The following M1AP variants were observed in gnomAD, a reference collection of about 807,000 sequenced individuals.
M1AP encodes the protein meiosis 1 associated protein.
Under a neutral mutation model 51.2 loss-of-function variants are expected in M1AP, and 39 were observed. The ratio of observed to expected loss-of-function variants is 0.76; its 90% CI spans 0.59 to 1.00. The LOEUF (loss-of-function observed/expected upper bound fraction) is 1.00. Ranked by LOEUF, M1AP falls within the 50% of genes least tolerant of loss-of-function variation. The pLI is 0.00. For missense variants in M1AP, 545 were observed against 641.2 expected (o/e 0.85, Z 1.62); for synonymous variants, 251 against 249.2 (o/e 1.01, Z -0.07).
chr2:74,565,303 G>A (rs1678304430), intron 7 of M1AP, among the ~76,000 whole-genome samples: 1 of 151,864 alleles, frequency 6.6e-6, no homozygotes, highest in Admixed American at 6.6e-5. Flanking sequence ...CCAGAACAAT[G>A]ACATCATGAG....
intron 2 of M1AP, among the ~76,000 whole-genome samples, chr2:74,634,790 A>G (rs1048877003): frequency 6.6e-6 from 1 of 152,166 alleles, no homozygotes; most frequent in Admixed American, 6.5e-5. Flanking sequence ...ATGGTATACT[A>G]CTTTGATTGA....
intron 4 of M1AP, among the ~76,000 whole-genome samples, chr2:74,588,042 A>G (rs1558662647): frequency 6.6e-6 from 1 of 152,204 alleles, no homozygotes; most frequent in Non-Finnish European, 1.5e-5. Flanking sequence ...CACATAAAAT[A>G]TAGAGGCCCA....
At chr2:74,581,903 A>G (rs1679430973) in intron 4 of M1AP, 56 bp from the exon 5 acceptor site, 5 of 1,521,210 alleles carry the variant, frequency 3.3e-6, no homozygotes, top group Middle Eastern at 1.7e-4. Context: ...TGAGTAATAT[A>G]AAATTTTGAA....
intron 2 of M1AP, among the ~76,000 whole-genome samples, chr2:74,627,134 A>G (rs1325286708): frequency 6.6e-6 from 1 of 152,122 alleles, no homozygotes; most frequent in Non-Finnish European, 1.5e-5. Context: ...CAATTTTTTA[A>G]TTGGCAAAAG....
intron 2 of M1AP, among the ~76,000 whole-genome samples, chr2:74,627,945 G>A (rs1449732889): frequency 6.6e-6 from 1 of 152,076 alleles, no homozygotes; most frequent in African/African-American, 2.4e-5. Flanking sequence ...ATAGAGCTTT[G>A]AGATAAACTA....
intron 2 of M1AP, among the ~76,000 whole-genome samples, chr2:74,622,651 A>G (rs1286258835): frequency 6.6e-6 from 1 of 151,162 alleles, no homozygotes; most frequent in African/African-American, 2.4e-5. Context: ...TTTAAAGGAT[A>G]TAATTCAAGG....
At chr2:74,593,760 C>T (rs926858275) in intron 4 of M1AP, among the ~76,000 whole-genome samples, 9 of 152,220 alleles carry the variant, frequency 5.9e-5, no homozygotes, top group African/African-American at 1.9e-4. Flanking sequence ...GGAGTTGAAA[C>T]TTGGAGTAAC....
chr2:74,645,316 C>T (rs1558705450), intron 1 of M1AP, among the ~76,000 whole-genome samples: 1 of 152,230 alleles, frequency 6.6e-6, no homozygotes, highest in Non-Finnish European at 1.5e-5. Flanking sequence ...AGAACTGTAA[C>T]ACCGCCAGGG....
intron 3 of M1AP, among the ~76,000 whole-genome samples, chr2:74,613,881 T>C (rs944333364): frequency 1.3e-5 from 2 of 152,192 alleles, no homozygotes; most frequent in African/African-American, 4.8e-5. Flanking sequence ...TTTGAACTCT[T>C]GGGCTCAAGC....
intron 4 of M1AP, among the ~76,000 whole-genome samples, chr2:74,593,705 C>A (rs544366316): frequency 6.6e-6 from 1 of 152,246 alleles, no homozygotes; most frequent in African/African-American, 2.4e-5. Context: ...AAATCAACTA[C>A]CTGAAGGCTC....
At position 74,561,878 on chromosome 2, in the gene M1AP, C is replaced by T. The variant is rs1012479397; in HGVS notation, c.1281+339G>A. On this transcript the variant is annotated intron_variant, in intron 8 of 10. Coordinates refer to ENST00000421985, the MANE Select transcript of M1AP (RefSeq NM_001321739.2). ...GCTCCCTTTTCTCCTTCACAGCCAC[C>T]CATTCCTCAGATTTCAGGTCCGTGT... 1.2e-5 allele frequency: 12 copies of T among 985,254 alleles called. No homozygotes were observed. In the South Asian group the frequency reaches 5.2e-4, roughly 42 times the overall value. The allele number at this position is 985,254 out of a possible 1,614,324, so 61.0% of individuals were successfully genotyped here.
chr2:74,582,156 A>T (rs1339544941), intron 4 of M1AP, among the ~76,000 whole-genome samples: 1 of 152,162 alleles, frequency 6.6e-6, no homozygotes, highest in Non-Finnish European at 1.5e-5. Context: ...GCTGGTCTCT[A>T]ACTCTTGGCC....
intron 2 of M1AP, chr2:74,628,698 A>G: frequency 1.5e-6 from 1 of 678,176 alleles, no homozygotes. Flanking sequence ...TCTACCTGTG[A>G]TATTCTTTGC....
At chr2:74,629,804 C>T (rs182411298) in intron 2 of M1AP, among the ~76,000 whole-genome samples, 6 of 151,938 alleles carry the variant, frequency 3.9e-5, no homozygotes, top group African/African-American at 7.2e-5. Context: ...AAGGTATATA[C>T]GAAACCAGTG....
intron 10 of M1AP, among the ~76,000 whole-genome samples, chr2:74,559,115 A>G (rs1677723255): frequency 6.6e-6 from 1 of 151,290 alleles, no homozygotes. Flanking sequence ...CTCTGCTCCT[A>G]CCTCTGGTTT....
At chr2:74,602,871 C>G (rs1437904725) in intron 4 of M1AP, among the ~76,000 whole-genome samples, 1 of 152,218 alleles carries the variant, frequency 6.6e-6, no homozygotes, top group African/African-American at 2.4e-5. Context: ...CATTTAAAAG[C>G]TGTTCTATAC....
At chr2:74,560,377 G>A (rs747984855) in intron 8 of M1AP, 86 bp from the exon 9 acceptor site, 54 of 1,385,892 alleles carry the variant, frequency 3.9e-5, no homozygotes, top group Non-Finnish European at 5.0e-5. Context: ...AGTGTGAGGG[G>A]CTGGAGGAAG....
intron 2 of M1AP, among the ~76,000 whole-genome samples, chr2:74,638,277 C>T (rs1339852248): frequency 6.6e-6 from 1 of 151,954 alleles, no homozygotes; most frequent in Non-Finnish European, 1.5e-5. Context: ...TGGTCTTGAA[C>T]TACTGACCTC....
intron 2 of M1AP, among the ~76,000 whole-genome samples, chr2:74,625,434 T>A (rs73949690): frequency 0.012 from 1,786 of 152,276 alleles, 30 homozygotes; most frequent in African/African-American, 0.041. Context: ...TAATCTTTTA[T>A]TTTTAGATTT....
Sources: gnomAD v4.1 joint callset for allele counts (sites outside exome capture counted in the v4.1 genomes callset) on GRCh38, gnomAD v4.1.1 for gene constraint, MANE v1.5 for transcripts, NCBI Gene and HGNC (gene_info 2026-07-23, HGNC 2026-07-21) for gene names.